Variants in TENM1 observed in about 807,000 individuals in gnomAD.
TENM1 encodes the protein teneurin-1.
TENM1 carries 35 observed loss-of-function variants against 174.8 expected under a neutral mutation model. That is an observed-to-expected ratio of 0.20 (90% CI 0.15 to 0.27). The LOEUF is 0.27. TENM1 is among the 10% of genes least tolerant of loss of function. TENM1 has a pLI of 1.00. For synonymous variants in TENM1, 781 were observed against 798.7 expected, an observed-to-expected ratio of 0.98 and a Z score of 0.37; for missense variants, 1,633 against 2,130.1, an observed-to-expected ratio of 0.77 and a Z score of 4.59.
At chrX:124,932,008 C>T (rs994185813) in intron 1 of TENM1, among the ~76,000 whole-genome samples, 11 of 111,729 alleles carry the variant, frequency 9.8e-5, no homozygotes, top group Admixed American at 2.8e-4. Context: ...TTCCACAAAG[C>T]GGCTACCTGG....
chrX:124,845,329 C>T (rs984322539), intron 3 of TENM1, among the ~76,000 whole-genome samples: 10 of 111,003 alleles, frequency 9.0e-5, no homozygotes, highest in Admixed American at 7.7e-4. Context: ...GTTAAAATCC[C>T]GACTTTGATT....
At chrX:124,969,853 T>C in the TENM1 span, among the ~76,000 whole-genome samples, 1 of 112,047 alleles carries the variant, frequency 8.9e-6, no homozygotes, top group African/African-American at 3.2e-5. Flanking sequence ...ACTAAGGAGA[T>C]TGGATTATCT....
intron 18 of TENM1, among the ~76,000 whole-genome samples, chrX:124,508,232 C>T (rs932214785): frequency 1.8e-5 from 2 of 112,146 alleles, no homozygotes; most frequent in Admixed American, 9.4e-5. Flanking sequence ...ATAGGATGAG[C>T]CCAGAGGTTT....
At chrX:125,182,432 C>G in the TENM1 span, among the ~76,000 whole-genome samples, 1 of 81,177 alleles carries the variant, frequency 1.2e-5, no homozygotes, top group Non-Finnish European at 2.2e-5. Flanking sequence ...GAGATTAGGA[C>G]ACAGACATCT....
intron 20 of TENM1, among the ~76,000 whole-genome samples, chrX:124,487,779 G>T (rs1446944879): frequency 8.9e-6 from 1 of 111,746 alleles, no homozygotes; most frequent in African/African-American, 3.3e-5. Flanking sequence ...TTATCAAATT[G>T]TGTGTACAGA....
At chrX:124,438,323 G>C (rs1035851342) in intron 23 of TENM1, among the ~76,000 whole-genome samples, 7 of 110,155 alleles carry the variant, frequency 6.4e-5, no homozygotes, top group African/African-American at 2.3e-4. Flanking sequence ...ATCTTAGAGA[G>C]ATACAGAAGT....
At chrX:124,477,271 T>C (rs1294904022) in intron 22 of TENM1, among the ~76,000 whole-genome samples, 1 of 112,705 alleles carries the variant, frequency 8.9e-6, no homozygotes, top group East Asian at 2.8e-4. Flanking sequence ...TTACAGAGTA[T>C]GTAAACGCTA....
At chrX:124,588,578 A>T (rs1262127108) in intron 11 of TENM1, among the ~76,000 whole-genome samples, 5 of 109,779 alleles carry the variant, frequency 4.6e-5, no homozygotes, top group African/African-American at 1.7e-4. Context: ...GCTTTAGGAG[A>T]TATACCTAAT....
intron 1 of TENM1, among the ~76,000 whole-genome samples, chrX:124,917,500 C>T (rs1305665967): frequency 4.5e-5 from 5 of 111,273 alleles, no homozygotes; most frequent in Non-Finnish European, 7.5e-5. Context: ...AGACTTCCTG[C>T]TTCTCATTTT....
At chrX:124,607,731 G>A (rs779451108) in intron 11 of TENM1, among the ~76,000 whole-genome samples, 207 of 110,753 alleles carry the variant, frequency 1.9e-3, no homozygotes, top group Admixed American at 3.0e-3. Context: ...ATTTACAAAG[G>A]ATTACTCTTG....
the TENM1 span, among the ~76,000 whole-genome samples, chrX:125,160,205 GA>G: frequency 3.6e-3 from 250 of 69,047 alleles, no homozygotes; most frequent in African/African-American, 6.4e-3. Flanking sequence ...CACCATCAAT[GA>G]AAAAAAAAAA....
intron 27 of TENM1, among the ~76,000 whole-genome samples, chrX:124,397,877 G>A (rs891401018): frequency 2.8e-5 from 3 of 108,712 alleles, no homozygotes; most frequent in Admixed American, 9.7e-5. Flanking sequence ...ACAGGTGTGA[G>A]CCACCGTGCC....
At chrX:124,933,014 C>T (rs1347084968) in intron 1 of TENM1, among the ~76,000 whole-genome samples, 3 of 112,288 alleles carry the variant, frequency 2.7e-5, no homozygotes, top group Non-Finnish European at 5.6e-5. Flanking sequence ...CAAGTCACTA[C>T]ACTTGGTGAG....
intron 3 of TENM1, among the ~76,000 whole-genome samples, chrX:124,868,962 C>T (rs1196487693): frequency 1.3e-4 from 14 of 108,763 alleles, no homozygotes; most frequent in Admixed American, 8.9e-4. Context: ...TGGTGGCTCA[C>T]GCCTGTAATC....
At chrX:124,713,328 G>C (rs1322213242) in intron 4 of TENM1, among the ~76,000 whole-genome samples, 1 of 110,249 alleles carries the variant, frequency 9.1e-6, no homozygotes, top group Non-Finnish European at 1.9e-5. Flanking sequence ...GAGTGTAATG[G>C]CGTGATCTCG....
the TENM1 span, among the ~76,000 whole-genome samples, chrX:124,974,901 T>TATATATATATATATATATATATAA: frequency 1.0e-5 from 1 of 97,573 alleles, no homozygotes; most frequent in African/African-American, 3.7e-5. Flanking sequence ...TATATATATA[T>TATATATATATATATATATATATAA]AAAATAATTT....
At chrX:124,631,913 A>C (rs2050766328) in intron 11 of TENM1, among the ~76,000 whole-genome samples, 1 of 93,509 alleles carries the variant, frequency 1.1e-5, no homozygotes. Context: ...AAAAAAATCC[A>C]TACAGTTTTT....
chrX:124,941,719 C>T (rs1450639626), intron 1 of TENM1, among the ~76,000 whole-genome samples: 3 of 111,793 alleles, frequency 2.7e-5, no homozygotes, highest in Non-Finnish European at 5.6e-5. Flanking sequence ...TTGTTGATTG[C>T]TAGCACCATC....
At chrX:124,765,567 T>C (rs904258117) in intron 3 of TENM1, among the ~76,000 whole-genome samples, 1 of 112,019 alleles carries the variant, frequency 8.9e-6, no homozygotes, top group African/African-American at 3.2e-5. Context: ...CATAATAATA[T>C]TTTACTAAAC....
Sources: allele counts gnomAD v4.1 joint callset (sites outside exome capture counted in the v4.1 genomes callset), GRCh38; gene constraint gnomAD v4.1.1; transcripts MANE v1.5; gene names NCBI Gene and HGNC (gene_info 2026-07-23, HGNC 2026-07-21).